SMC5: variants seen among roughly 807,000 people sequenced by gnomAD.
The protein encoded by SMC5 is structural maintenance of chromosomes protein 5.
In SMC5, 88 loss-of-function variants were observed where a neutral mutation model predicts 148.3. The ratio of observed to expected loss-of-function variants is 0.59; its 90% CI spans 0.50 to 0.71. The LOEUF is 0.71. SMC5 is among the 30% of genes least tolerant of loss of function. The pLI is 0.00. For missense variants in SMC5, 1,142 were observed against 1,298.9 expected, an observed-to-expected ratio of 0.88 and a Z score of 1.86; for synonymous variants, 421 against 432.8, an observed-to-expected ratio of 0.97 and a Z score of 0.34.
chr9:70,324,546 A>G (rs1024658789), intron 17 of SMC5, among the ~76,000 whole-genome samples: 1 of 152,218 alleles, frequency 6.6e-6, no homozygotes, highest in Non-Finnish European at 1.5e-5. Flanking sequence ...GACAACACGT[A>G]TAACAAAACT....
At chr9:70,346,521 G>T in intron 18 of SMC5, 84 bp from the exon 19 acceptor site, 3 of 1,337,782 alleles carry the variant, frequency 2.2e-6, no homozygotes, top group Admixed American at 1.9e-5. Flanking sequence ...TGCTTTTTTA[G>T]TTCTTCATAA....
chr9:70,271,361 G>A (rs1044611070), intron 3 of SMC5, among the ~76,000 whole-genome samples: 4 of 152,124 alleles, frequency 2.6e-5, no homozygotes, highest in African/African-American at 9.7e-5. Flanking sequence ...TTTCCACGAA[G>A]GTTCACATGG....
intron 17 of SMC5, among the ~76,000 whole-genome samples, chr9:70,334,378 A>G (rs1587706286): frequency 6.6e-6 from 1 of 152,310 alleles, no homozygotes; most frequent in Non-Finnish European, 1.5e-5. Flanking sequence ...AAAATAGAAA[A>G]AACACAAATT....
intron 17 of SMC5, among the ~76,000 whole-genome samples, chr9:70,334,785 G>A (rs193231036): frequency 3.3e-5 from 5 of 152,144 alleles, no homozygotes; most frequent in East Asian, 1.9e-4. Flanking sequence ...GTGAAAAAAT[G>A]GGCAAAGAAC....
At chr9:70,270,642 A>AT (rs71364589) in intron 3 of SMC5, among the ~76,000 whole-genome samples, 8,903 of 103,768 alleles carry the variant, frequency 0.086, 215 homozygotes, top group Non-Finnish European at 0.096. Flanking sequence ...AGACTAAATA[A>AT]TTTTTTTTTT....
At chr9:70,270,414 G>C (rs372542582) in intron 3 of SMC5, among the ~76,000 whole-genome samples, 1 of 152,092 alleles carries the variant, frequency 6.6e-6, no homozygotes, top group African/African-American at 2.4e-5. Context: ...TCATCACATG[G>C]GTATAAGAAA....
intron 15 of SMC5, among the ~76,000 whole-genome samples, chr9:70,321,623 C>T (rs2035950447): frequency 6.6e-6 from 1 of 151,990 alleles, no homozygotes; most frequent in African/African-American, 2.4e-5. Context: ...CTCAATCAGT[C>T]CTCCCGCCTC....
chr9:70,344,312 C>CAT lies in SMC5; in HGVS notation c.2523+44_2523+45dup, dbSNP rs567041141. On this transcript the variant is annotated intron_variant, in intron 18 of 24. Transcript: ENST00000361138. Reference sequence around the variant, plus strand: ...ATAATGCTACAATTGCCATATTTAACATTTTTAAGATTATGGAATCTTAGC... The same window carrying CAT: ...ATAATGCTACAATTGCCATATTTAACATATTTTTAAGATTATGGAATCTTAGC... 1,104 of 1,345,942 alleles carry CAT rather than the reference C, an allele frequency of 8.2e-4. 10 individuals are homozygous for CAT. The African/African-American group carries it at 0.014, about 17-fold the overall frequency. 83.4% of individuals were successfully genotyped at this position (1,345,942 alleles called of 1,614,324 possible).
intron 11 of SMC5, among the ~76,000 whole-genome samples, chr9:70,312,560 C>T (rs181187126): frequency 1.5e-3 from 234 of 152,266 alleles, no homozygotes; most frequent in Middle Eastern, 3.4e-3. Flanking sequence ...ATGAGGTTTG[C>T]GTGGATTTTC....
intron 10 of SMC5, among the ~76,000 whole-genome samples, chr9:70,301,112 G>A (rs2035347001): frequency 6.6e-6 from 1 of 152,074 alleles, no homozygotes; most frequent in African/African-American, 2.4e-5. Flanking sequence ...AGATCAAGAA[G>A]AGAATTTCTA....
At chr9:70,332,675 A>T (rs557994658) in intron 17 of SMC5, among the ~76,000 whole-genome samples, 1 of 152,324 alleles carries the variant, frequency 6.6e-6, no homozygotes, top group South Asian at 2.1e-4. Context: ...ATGAACATAG[A>T]CCCAAAAATT....
intron 17 of SMC5, among the ~76,000 whole-genome samples, chr9:70,333,175 T>C (rs1056096322): frequency 1.2e-4 from 18 of 152,320 alleles, no homozygotes; most frequent in African/African-American, 4.3e-4. Flanking sequence ...AAAATGCTAA[T>C]AGAACCATCA....
At chr9:70,323,400 C>CCCCCCCTT in intron 15 of SMC5, 83 bp from the exon 16 acceptor site, 7 of 1,378,198 alleles carry the variant, frequency 5.1e-6, no homozygotes, top group Non-Finnish European at 6.8e-6. Context: ...AAATATATCC[C>CCCCCCCTT]AGAAAACTGG....
chr9:70,261,038 TAAG>T (rs922204555), intron 1 of SMC5, among the ~76,000 whole-genome samples: 286 of 152,264 alleles, frequency 1.9e-3, no homozygotes, highest in African/African-American at 6.6e-3. Context: ...TGCACCCGCC[TAAG>T]AAGATAGGAA....
Position 70,350,366 on chromosome 9 carries a change from C to A in SMC5, c.3070-10C>A. On this transcript the variant is annotated splice_polypyrimidine_tract_variant and intron_variant, in intron 23 of 24. Transcript: ENST00000361138. Reference sequence around the variant, plus strand: ...GAATAAATGTAATCATTATTGTTGCCATTGTTTAGGGAATGGACCCAATCA... The same window carrying A: ...GAATAAATGTAATCATTATTGTTGCAATTGTTTAGGGAATGGACCCAATCA... 6.2e-7 allele frequency: 1 copy of A among 1,609,902 alleles called. No individual in the cohort carries two copies. Among genetic ancestry groups the A allele is most frequent in the South Asian group, 1.1e-5 (1 of 90,136 alleles).
chr9:70,315,278 A>T (rs2035765378), intron 12 of SMC5, among the ~76,000 whole-genome samples, 168 bp from the exon 13 acceptor site: 1 of 147,518 alleles, frequency 6.8e-6, no homozygotes, highest in Non-Finnish European at 1.5e-5. Flanking sequence ...TTTTCTGGTA[A>T]GTGAATAAGT....
chr9:70,259,103 T>C lies in SMC5; in HGVS notation c.25T>C (p.Ser9Pro). Residue 9 changes from serine to proline, a missense_variant, in exon 1 of 25, where the codon TCA becomes CCA. By Grantham distance (74) the Ser-to-Pro change is moderately conservative. Coordinates refer to ENST00000361138, the MANE Select transcript of SMC5 (RefSeq NM_015110.4). ...GATGGCGACTCCGAGCAAGAAGACGTCAACTCCAAGCCCCCAGCCTTCCAA... is the reference window on the plus strand; with the variant it reads ...GATGGCGACTCCGAGCAAGAAGACGCCAACTCCAAGCCCCCAGCCTTCCAA... The part of the protein sequence containing the change: MATPSKKT[S>P]TPSPQPSKRA... 1 of 1,609,996 alleles carries C rather than the reference T, an allele frequency of 6.2e-7. No homozygotes were observed. The highest frequency in any genetic ancestry group is 8.5e-7 in the Non-Finnish European group (1 of 1,177,982).
At chr9:70,337,394 G>A (rs1239907748) in intron 17 of SMC5, among the ~76,000 whole-genome samples, 1 of 150,366 alleles carries the variant, frequency 6.7e-6, no homozygotes, top group African/African-American at 2.5e-5. Flanking sequence ...TTGGCAGGGT[G>A]TTCTCTTCTG....
At chr9:70,332,554 C>G (rs1400059871) in intron 17 of SMC5, among the ~76,000 whole-genome samples, 1 of 148,440 alleles carries the variant, frequency 6.7e-6, no homozygotes, top group East Asian at 2.0e-4. Flanking sequence ...AGAATTAATA[C>G]CAGTTCTACT....
Sources: gnomAD v4.1 joint callset for allele counts (sites outside exome capture counted in the v4.1 genomes callset) on GRCh38, gnomAD v4.1.1 for gene constraint, MANE v1.5 for transcripts, NCBI Gene and HGNC (gene_info 2026-07-23, HGNC 2026-07-21) for gene names.